The following EYA2 variants were observed in gnomAD, a reference collection of about 807,000 sequenced individuals.
The protein encoded by EYA2 is protein phosphatase EYA2.
In EYA2, 31 loss-of-function variants were observed where a neutral mutation model predicts 69.2. The observed-to-expected ratio is 0.45, with a 90% CI of 0.34 to 0.60. The LOEUF is 0.60. Among genes scored for constraint, EYA2 ranks in the 20% least tolerant of loss-of-function variants. The pLI is 0.02. For synonymous variants in EYA2, 257 were observed against 279.4 expected, an observed-to-expected ratio of 0.92 and a Z score of 0.80; for missense variants, 622 against 701.2, an observed-to-expected ratio of 0.89 and a Z score of 1.28.
intron 1 of EYA2, among the ~76,000 whole-genome samples, chr20:46,972,449 A>G (rs1980199355): frequency 6.6e-6 from 1 of 152,216 alleles, no homozygotes; most frequent in Non-Finnish European, 1.5e-5. Context: ...CATGTGGTGA[A>G]ATGAGATCTG....
At chr20:46,955,814 C>T (rs776803318) in intron 1 of EYA2, among the ~76,000 whole-genome samples, 4 of 152,190 alleles carry the variant, frequency 2.6e-5, no homozygotes, top group Admixed American at 2.6e-4. Flanking sequence ...CTTAATCTTT[C>T]CTATGTTGAT....
At chr20:47,185,342 C>A (rs890808674) in intron 15 of EYA2, among the ~76,000 whole-genome samples, 7 of 133,724 alleles carry the variant, frequency 5.2e-5, no homozygotes, top group Non-Finnish European at 9.2e-5. Context: ...ACTGTGTCGC[C>A]CAGGCTGGAG....
At chr20:47,057,381 T>C (rs1387407075) in intron 5 of EYA2, among the ~76,000 whole-genome samples, 1 of 152,206 alleles carries the variant, frequency 6.6e-6, no homozygotes, top group South Asian at 2.1e-4. Context: ...AGCCTGGGAT[T>C]TGTCCCTTTC....
intron 5 of EYA2, among the ~76,000 whole-genome samples, chr20:47,042,272 T>G (rs1314831509): frequency 5.9e-5 from 9 of 152,172 alleles, no homozygotes; most frequent in Admixed American, 5.9e-4. Flanking sequence ...TAATGAGTGG[T>G]AAAGCCAGGA....
At chr20:46,917,150 A>G (rs1342526626) in intron 1 of EYA2, among the ~76,000 whole-genome samples, 1 of 152,204 alleles carries the variant, frequency 6.6e-6, no homozygotes, top group Non-Finnish European at 1.5e-5. Flanking sequence ...ACTTCCTCAA[A>G]GCACTTAAAC....
At chr20:47,090,412 G>A (rs2032046008) in intron 8 of EYA2, among the ~76,000 whole-genome samples, 1 of 151,992 alleles carries the variant, frequency 6.6e-6, no homozygotes, top group Admixed American at 6.6e-5. Flanking sequence ...GCTAATTTTT[G>A]TATTTTTAGT....
At chr20:47,061,271 A>C (rs867350169) in intron 5 of EYA2, among the ~76,000 whole-genome samples, 5 of 152,170 alleles carry the variant, frequency 3.3e-5, no homozygotes, top group Non-Finnish European at 7.3e-5. Flanking sequence ...TTACGCCTAT[A>C]ATCTCAGCAC....
intron 1 of EYA2, among the ~76,000 whole-genome samples, chr20:46,983,489 CA>C (rs1980971769): frequency 6.6e-6 from 1 of 152,314 alleles, no homozygotes; most frequent in African/African-American, 2.4e-5. Flanking sequence ...CAAGGCTCCT[CA>C]TCCTTATTGG....
intron 2 of EYA2, among the ~76,000 whole-genome samples, chr20:46,997,237 A>G (rs1982086632): frequency 6.6e-6 from 1 of 152,178 alleles, no homozygotes; most frequent in South Asian, 2.1e-4. Flanking sequence ...CTTACTCACT[A>G]TCATGAGAAC....
At chr20:47,107,560 G>A (rs900115329) in intron 9 of EYA2, among the ~76,000 whole-genome samples, 1 of 150,618 alleles carries the variant, frequency 6.6e-6, no homozygotes, top group East Asian at 1.9e-4. Context: ...GAAATGCAAG[G>A]CCAGGCATGG....
intron 5 of EYA2, among the ~76,000 whole-genome samples, chr20:47,030,541 G>A (rs1006486592): frequency 1.3e-4 from 18 of 141,648 alleles, no homozygotes; most frequent in African/African-American, 4.5e-4. Flanking sequence ...TCCCAGGGAG[G>A]ATACAGGCGG....
intron 9 of EYA2, among the ~76,000 whole-genome samples, chr20:47,108,334 TCCTCTCTCTC>T (rs1361613945): frequency 2.6e-5 from 4 of 152,084 alleles, no homozygotes; most frequent in Non-Finnish European, 5.9e-5. Flanking sequence ...CTCTCTCTCT[TCCTCTCTCTC>T]CACATGTGAT....
intron 1 of EYA2, among the ~76,000 whole-genome samples, chr20:46,966,240 G>A (rs7261621): frequency 0.35 from 52,546 of 151,964 alleles, 10,686 homozygotes; most frequent in Non-Finnish European, 0.46. Context: ...TGCCGCCTCC[G>A]CATCCCAAAG....
intron 9 of EYA2, among the ~76,000 whole-genome samples, chr20:47,111,165 T>C (rs1391677411): frequency 2.0e-5 from 3 of 152,250 alleles, no homozygotes; most frequent in Non-Finnish European, 4.4e-5. Flanking sequence ...GAGAAAGACA[T>C]CTTGAAGAAG....
intron 5 of EYA2, among the ~76,000 whole-genome samples, chr20:47,024,516 A>G (rs962330053): frequency 5.3e-5 from 8 of 152,162 alleles, no homozygotes; most frequent in African/African-American, 1.9e-4. Context: ...TGTGCTCATC[A>G]GTTCTCAGGT....
chr20:46,946,799 G>T (rs1288704087), intron 1 of EYA2, among the ~76,000 whole-genome samples: 1 of 136,072 alleles, frequency 7.3e-6, no homozygotes, highest in African/African-American at 2.6e-5. Flanking sequence ...CAACGTAGAT[G>T]ATGGGGCTTT....
At chr20:47,051,897 C>T (rs1186698409) in intron 5 of EYA2, among the ~76,000 whole-genome samples, 2 of 152,238 alleles carry the variant, frequency 1.3e-5, no homozygotes, top group African/African-American at 4.8e-5. Context: ...GCTCGGGGCT[C>T]AGCATAGTGC....
intron 5 of EYA2, among the ~76,000 whole-genome samples, chr20:47,039,187 A>T (rs1333513492): frequency 6.6e-6 from 1 of 152,158 alleles, no homozygotes; most frequent in Non-Finnish European, 1.5e-5. Flanking sequence ...GACCAGGTGT[A>T]GGCTAACTAA....
intron 5 of EYA2, among the ~76,000 whole-genome samples, chr20:47,017,865 A>G (rs541394292): frequency 6.6e-6 from 1 of 152,368 alleles, no homozygotes; most frequent in Admixed American, 6.5e-5. Flanking sequence ...TATTGTAAGC[A>G]TAATGGCAAA....
Sources: allele counts gnomAD v4.1 joint callset (sites outside exome capture counted in the v4.1 genomes callset), GRCh38; gene constraint gnomAD v4.1.1; transcripts MANE v1.5; gene names NCBI Gene and HGNC (gene_info 2026-07-23, HGNC 2026-07-21).